Variants in RCOR3 observed in about 807,000 individuals in gnomAD.
The protein encoded by RCOR3 is REST corepressor 3.
A neutral mutation model predicts 64.1 loss-of-function variants in RCOR3; 13 were observed. The observed-to-expected ratio is 0.20, with a 90% CI of 0.13 to 0.32. The LOEUF is 0.32. Ranked by LOEUF, RCOR3 falls within the 10% of genes least tolerant of loss-of-function variation. RCOR3 has a pLI of 1.00. For synonymous variants in RCOR3, 215 were observed against 239.0 expected, an observed-to-expected ratio of 0.90 and a Z score of 0.93; for missense variants, 489 against 701.2, an observed-to-expected ratio of 0.70 and a Z score of 3.42.
In RCOR3 at chr1:211,289,392, G is replaced by A. The variant is rs1182073752; in HGVS notation, c.935G>A (p.Arg312His). 4.4e-6 allele frequency: 7 copies of A among 1,607,712 alleles called. No homozygotes were observed. Among genetic ancestry groups the A allele is most frequent in the African/African-American group, 1.3e-5 (1 of 74,570 alleles). Reference sequence around the variant, plus strand: ...GACATGGAGTTGATCTCTCTAAAACGTCAGGTATTTTATAAAAATAATATT... The same window carrying A: ...GACATGGAGTTGATCTCTCTAAAACATCAGGTATTTTATAAAAATAATATT... Reference protein sequence around the residue: ...QLDMELISLKRQVQNAKQVNS... With the variant: ...QLDMELISLKHQVQNAKQVNS... Residue 312 changes from arginine (R) to histidine (H), a missense_variant, in exon 8 of 12, where the codon CGT (arginine) becomes CAT (histidine). Coordinates refer to ENST00000419091, the MANE Select transcript of RCOR3 (RefSeq NM_001136223.3).
chr1:211,276,324 C>T lies in RCOR3; in HGVS notation c.422C>T (p.Thr141Ile). 6.2e-7 allele frequency: 1 copy of T among 1,614,040 alleles called. No homozygotes were observed. Among genetic ancestry groups the T allele is most frequent in the Non-Finnish European group, 8.5e-7 (1 of 1,179,916 alleles). The part of the protein sequence containing the change: ...EKSLADLPNF[T>I]PFPDEWTVED... ...TCCCTTGCTGATCTCCCTAATTTCA[C>T]TCCCTTTCCGGATGAGTGGACAGTG... Residue 141 changes from threonine to isoleucine, a missense_variant, in exon 5 of 12, where the codon ACT (threonine) becomes ATT (isoleucine). By Grantham distance (89) the Thr-to-Ile change is moderately conservative. This residue lies in a region of RCOR3 where 402 missense variants were observed against 617.0 expected (regional missense o/e 0.65). Coordinates refer to ENST00000419091, the MANE Select transcript of RCOR3 (RefSeq NM_001136223.3).
chr1:211,314,697 A>G lies in RCOR3; in HGVS notation c.*929A>G, dbSNP rs1001371057. ...TATATTTTGTTAGTTAAGTAGACAC[A>G]GTGGTTATGGAAGCATTTCTTTACA... On this transcript the variant is annotated 3_prime_UTR_variant, in exon 12 of 12. Transcript: ENST00000419091. 3.9e-5 allele frequency: 6 copies of G among 152,184 alleles called. 1 individual carries two copies. Among genetic ancestry groups the G allele is most frequent in the Admixed American group, 3.3e-4 (5 of 15,282 alleles). The allele number at this position is 152,184 out of a possible 1,614,324, so 9.4% of individuals were successfully genotyped here. A position where few individuals can be genotyped will look rare whatever the true frequency, so the allele number is the denominator to read the frequency against.
chr1:211,284,810 TA>T, intron 7 of RCOR3, among the ~76,000 whole-genome samples: 1 of 152,310 alleles, frequency 6.6e-6, no homozygotes, highest in South Asian at 2.1e-4. Context: ...GTGTGAGCCC[TA>T]CCATGCCTGG....
At chr1:211,299,650 G>A (rs1443414185) in intron 9 of RCOR3, among the ~76,000 whole-genome samples, 2 of 152,174 alleles carry the variant, frequency 1.3e-5, no homozygotes, top group East Asian at 3.8e-4. Context: ...GGAAAGGATG[G>A]AGTGAAAATG....
In RCOR3 at chr1:211,280,706, G is replaced by A. The variant is rs147531852; in HGVS notation, c.720+1390G>A. Among the ~76,000 whole-genome samples the A allele has an allele frequency of 2.1e-3, 315 of 152,188 alleles. 1 individual carries two copies. Among genetic ancestry groups the A allele is most frequent in the Admixed American group, 2.9e-3 (44 of 15,292 alleles). On this transcript the variant is annotated intron_variant, in intron 7 of 11. Transcript: ENST00000419091. ...TCCATTTAAAAGCGTTTCTCTGGCC[G>A]GGCTCAGTGGCTCACGCCTGTAATC...
chr1:211,289,424 G>C, intron 8 of RCOR3, 28 bp downstream of exon 8: 1 of 1,535,882 alleles, frequency 6.5e-7, no homozygotes, highest in South Asian at 1.2e-5. Flanking sequence ...TATTTTTAAT[G>C]ATTCTGTGCA....
intron 7 of RCOR3, among the ~76,000 whole-genome samples, chr1:211,287,770 A>G (rs1021364219): frequency 1.3e-5 from 2 of 152,064 alleles, no homozygotes; most frequent in Non-Finnish European, 1.5e-5. Flanking sequence ...AATCCCAGCT[A>G]CTCCAGAGGC....
intron 7 of RCOR3, among the ~76,000 whole-genome samples, chr1:211,281,985 A>G (rs946794488): frequency 2.2e-4 from 33 of 152,200 alleles, no homozygotes; most frequent in African/African-American, 7.7e-4. Context: ...ATGAGAATAC[A>G]TGCTATATGC....
chr1:211,265,691 C>G (rs1177776405), intron 2 of RCOR3, among the ~76,000 whole-genome samples: 2 of 152,126 alleles, frequency 1.3e-5, no homozygotes, highest in Non-Finnish European at 2.9e-5. Context: ...TGCACTCCAG[C>G]CTGGCGACAG....
chr1:211,269,143 T>G (rs1377433503), intron 2 of RCOR3, among the ~76,000 whole-genome samples: 1 of 151,242 alleles, frequency 6.6e-6, no homozygotes, highest in Non-Finnish European at 1.5e-5. Flanking sequence ...ATTCTGGCTA[T>G]TAATGGTAAT....
At chr1:211,262,914 C>G (rs1400510651) in intron 2 of RCOR3, among the ~76,000 whole-genome samples, 1 of 148,206 alleles carries the variant, frequency 6.7e-6, no homozygotes, top group East Asian at 2.0e-4. Flanking sequence ...GGTATATGTG[C>G]ACAATGTGCA....
At chr1:211,284,721 T>C (rs149809876) in intron 7 of RCOR3, among the ~76,000 whole-genome samples, 29 of 152,076 alleles carry the variant, frequency 1.9e-4, no homozygotes, top group African/African-American at 6.7e-4. Flanking sequence ...GGGGTCTTGC[T>C]ACATTGTCCA....
chr1:211,276,623 T>C (rs999174999), intron 5 of RCOR3, among the ~76,000 whole-genome samples: 4 of 152,228 alleles, frequency 2.6e-5, no homozygotes, highest in Non-Finnish European at 5.9e-5. Flanking sequence ...TAAATTAGCT[T>C]TTATTTTGAC....
At chr1:211,310,749 A>C (rs572660981) in intron 10 of RCOR3, among the ~76,000 whole-genome samples, 2 of 152,274 alleles carry the variant, frequency 1.3e-5, no homozygotes, top group African/African-American at 4.8e-5. Flanking sequence ...GTTTTGGAAT[A>C]TATTTTGCAA....
rs2102395444 is a variant in RCOR3 at position 211,259,464 on chromosome 1, T to TCCC, written c.-95_-94insCCC. On this transcript the variant is annotated 5_prime_UTR_variant, in exon 1 of 12. Coordinates refer to ENST00000419091, the MANE Select transcript of RCOR3 (RefSeq NM_001136223.3). Reference sequence around the variant, plus strand: ...CTCCGCCGCCGCCGCCGTCTCCTCCTCCTCCTCCTTTCCCTCCCGCCCGCG... The same window carrying TCCC: ...CTCCGCCGCCGCCGCCGTCTCCTCCTCCCCCTCCTCCTTTCCCTCCCGCCCGCG... The TCCC allele has an allele frequency of 7.9e-7, 1 of 1,268,102 alleles. No homozygotes were observed. The highest frequency in any genetic ancestry group is 1.1e-6 in the Non-Finnish European group (1 of 926,058). The allele number at this position is 1,268,102 out of a possible 1,614,324, so 78.6% of individuals were successfully genotyped here.
intron 2 of RCOR3, among the ~76,000 whole-genome samples, chr1:211,263,432 T>C (rs61850987): frequency 0.54 from 45,364 of 83,254 alleles, 7,068 homozygotes; most frequent in Middle Eastern, 0.63. Flanking sequence ...ATTTTCAATT[T>C]ATTTACTCAG....
In RCOR3 at chr1:211,313,090, AGTG is replaced by A. The variant is rs1701657608; in HGVS notation, c.1317+133_1317+135del. 2.6e-6 allele frequency: 4 copies of A among 1,545,656 alleles called. No homozygotes were observed. The highest frequency in any genetic ancestry group is 3.5e-6 in the Non-Finnish European group (4 of 1,150,956). On this transcript the variant is annotated intron_variant, in intron 11 of 11. Transcript: ENST00000419091. This position sits in a 1 kb window ranked among gnomAD's most constrained non-coding sequence, Gnocchi z 4.7. ...TGAAAGGTTGACAATACACTTCTTC[AGTG>A]GTGCATCTCTCGTGACTCTTAAGTC...
Position 211,259,454 on chromosome 1 carries a change from CG to C in RCOR3, c.-106del. On this transcript the variant is annotated 5_prime_UTR_variant, in exon 1 of 12. Coordinates refer to ENST00000419091, the MANE Select transcript of RCOR3 (RefSeq NM_001136223.3). ...CCTCCTCCTCCTCCGCCGCCGCCGCCGTCTCCTCCTCCTCCTCCTTTCCCTC... is the reference window on the plus strand; with the variant it reads ...CCTCCTCCTCCTCCGCCGCCGCCGCCTCTCCTCCTCCTCCTCCTTTCCCTC... 8.7e-7 allele frequency: 1 copy of C among 1,151,312 alleles called. No individual in the cohort carries two copies. The highest frequency in any genetic ancestry group is 1.2e-6 in the Non-Finnish European group (1 of 832,002). 71.3% of individuals were successfully genotyped at this position (1,151,312 alleles called of 1,614,324 possible).
chr1:211,309,086 TAAAA>T (rs10688171), intron 10 of RCOR3, among the ~76,000 whole-genome samples: 2 of 113,908 alleles, frequency 1.8e-5, no homozygotes, highest in African/African-American at 3.3e-5. Flanking sequence ...TAGCTAAACA[TAAAA>T]AAAAAAAAAA....
Sources: gnomAD v4.1 joint callset for allele counts (sites outside exome capture counted in the v4.1 genomes callset) on GRCh38, gnomAD v4.1.1 for gene constraint, gnomAD v4.1.1 regional missense constraint, Gnocchi (gnomAD v3.1) non-coding constraint, MANE v1.5 for transcripts, NCBI Gene and HGNC (gene_info 2026-07-23, HGNC 2026-07-21) for gene names.